Variants in PLA2G4F observed in about 807,000 individuals in gnomAD.
The protein encoded by PLA2G4F is cytosolic phospholipase A2 zeta.
PLA2G4F carries 105 observed loss-of-function variants against 103.1 expected under a neutral mutation model. The observed-to-expected ratio is 1.02, with a 90% confidence interval of 0.87 to 1.20. The LOEUF (loss-of-function observed/expected upper bound fraction) is 1.20, where lower values mean the gene tolerates loss of function less well. PLA2G4F is among the 50% of genes most tolerant of loss of function. The pLI, the probability that PLA2G4F is intolerant of heterozygous loss-of-function variation, is 0.00. For synonymous variants in PLA2G4F, 468 were observed against 441.1 expected, an observed-to-expected ratio of 1.06 and a Z score of -0.76; for missense variants, 1,155 against 1,075.9, an observed-to-expected ratio of 1.07 and a Z score of -1.03.
At chr15:42,143,169 C>T (rs2048842612) in intron 18 of PLA2G4F, among the ~76,000 whole-genome samples, 1 of 109,014 alleles carries the variant, frequency 9.2e-6, no homozygotes, top group African/African-American at 3.8e-5. Flanking sequence ...CAGAGTGAGA[C>T]TCCATCTAAA....
Position 42,142,593 on chromosome 15 carries a change from G to A in PLA2G4F, c.2264C>T (p.Pro755Leu), listed in dbSNP as rs763624804. The stretch of plus-strand genomic sequence containing the variant: ...GAAGTGCAGCACAATGGGGGAGCGG[G>A]GGTCCTCAGCCTTGGCAAACAGATA... ...ECYLFAKAEDPRSPIVLHFPL... is the reference protein window; with the variant it reads ...ECYLFAKAEDLRSPIVLHFPL... The change falls in exon 19 of 20, where the codon CCC becomes CTC. Residue 755 changes from proline to leucine, a missense_variant. Pro to Leu is a moderately conservative substitution (Grantham distance 98, BLOSUM62 -3). Around this residue, in one of 3 missense-constraint regions of PLA2G4F, gnomAD observed 782 missense variants for 692.9 expected, o/e 1.13. Coordinates refer to ENST00000397272, the MANE Select transcript of PLA2G4F (RefSeq NM_213600.4). 152 of 1,614,024 alleles carry A rather than the reference G, an allele frequency of 9.4e-5. No homozygotes were observed. The highest frequency in any genetic ancestry group is 1.2e-4 in the Non-Finnish European group (146 of 1,180,026).
At position 42,153,293 on chromosome 15, in the gene PLA2G4F, C is replaced by G. The variant is rs1367680850; in HGVS notation, c.534+7G>C. ...AGAACAGCGCCAAGCTTGCCTTCCC[C>G]ACTCACCACCAGAACCCCGTTGGTG... On this transcript the variant is annotated splice_region_variant and intron_variant, in intron 6 of 19. Transcript: ENST00000397272. 1 of 1,614,094 alleles carries G rather than the reference C, an allele frequency of 6.2e-7. No homozygotes were observed.
Position 42,142,532 on chromosome 15 carries a change from G to A in PLA2G4F, c.2325C>T (p.Ala775=), listed in dbSNP as rs2048835737. The A allele has an allele frequency of 1.9e-6, 3 of 1,612,758 alleles. No individual in the cohort carries two copies. The highest frequency in any genetic ancestry group is 2.5e-6 in the Non-Finnish European group (3 of 1,179,216). Residue 775 remains alanine (A), a synonymous_variant, in exon 19 of 20, where the codon GCC becomes GCT. Coordinates refer to ENST00000397272, the MANE Select transcript of PLA2G4F (RefSeq NM_213600.4). The stretch of plus-strand genomic sequence containing the variant: ...CAGGCCTGGAGCTTCCCTTACCTGG[G>A]GCCAGGTGTGTGCGGAAGGTACGGT... ...LVNRTFRTHL[A]PGVERQTAEE...
chr15:42,152,524 G>A (rs902617312), intron 7 of PLA2G4F, among the ~76,000 whole-genome samples, 164 bp downstream of exon 7: 2 of 152,170 alleles, frequency 1.3e-5, no homozygotes, highest in South Asian at 4.1e-4. Context: ...ACACTTCCAG[G>A]GACAGGTTGT....
At chr15:42,148,102 A>G (rs1219920753) in intron 11 of PLA2G4F, among the ~76,000 whole-genome samples, 1 of 151,358 alleles carries the variant, frequency 6.6e-6, no homozygotes, top group Non-Finnish European at 1.5e-5. Context: ...GAATGGCGTG[A>G]ACCCAGGAGG....
rs1421679663 is a variant in PLA2G4F at position 42,142,560 on chromosome 15, A to G, written c.2297T>C (p.Val766Ala). ...CAGGTGTGTGCGGAAGGTACGGTTA[A>G]CCAGGGGGAAGTGCAGCACAATGGG... ...RSPIVLHFPL[V>A]NRTFRTHLAP... Residue 766 changes from valine to alanine, a missense_variant, in exon 19 of 20, where the codon GTT (valine) becomes GCT (alanine). Physicochemically the swap from Val to Ala is moderately conservative, Grantham distance 64. Coordinates refer to ENST00000397272, the MANE Select transcript of PLA2G4F (RefSeq NM_213600.4). The G allele has an allele frequency of 1.4e-5, 22 of 1,613,796 alleles. No homozygotes were observed. Among genetic ancestry groups the G allele is most frequent in the African/African-American group, 2.7e-5 (2 of 74,880 alleles).
At chr15:42,153,855 C>T (rs1043930167) in intron 4 of PLA2G4F, among the ~76,000 whole-genome samples, 195 bp from the exon 5 acceptor site, 2 of 152,226 alleles carry the variant, frequency 1.3e-5, no homozygotes, top group Admixed American at 6.5e-5. Context: ...AGGTGCTGTT[C>T]TAGACATTGA....
At position 42,144,583 on chromosome 15, in the gene PLA2G4F, T is replaced by A. The variant is rs1187126183; in HGVS notation, c.1842A>T (p.Pro614=). ...GCACAGCCTGGGAGAAGGGCCCCTGTGGGGTGAGGAGCCTCGTTCGCAGCC... is the reference window on the plus strand; with the variant it reads ...GCACAGCCTGGGAGAAGGGCCCCTGAGGGGTGAGGAGCCTCGTTCGCAGCC... ...PSRLRTRLLT[P]QGPFSQAVLD... The change falls in exon 17 of 20, where the codon CCA becomes CCT. Residue 614 remains proline, a synonymous_variant. Coordinates refer to ENST00000397272, the MANE Select transcript of PLA2G4F (RefSeq NM_213600.4). 1 of 1,612,962 alleles carries A rather than the reference T, an allele frequency of 6.2e-7. No individual in the cohort carries two copies. The highest frequency in any genetic ancestry group is 1.3e-5 in the African/African-American group (1 of 74,890).
intron 6 of PLA2G4F, among the ~76,000 whole-genome samples, chr15:42,153,051 G>A (rs1327581064): frequency 3.9e-5 from 6 of 152,232 alleles, no homozygotes; most frequent in Admixed American, 3.3e-4. Context: ...TGGCTGCTCC[G>A]GTGGTCTCAG....
In PLA2G4F at chr15:42,142,627, G is replaced by A. The variant is rs768969803; in HGVS notation, c.2230C>T (p.Arg744Cys). 63 of 1,613,858 alleles carry A rather than the reference G, an allele frequency of 3.9e-5. 1 individual carries two copies. Among genetic ancestry groups the A allele is most frequent in the South Asian group, 1.5e-4 (14 of 91,064 alleles). Reference protein sequence around the residue: ...EVGPEDMEEARECYLFAKAED... With the variant: ...EVGPEDMEEACECYLFAKAED... ...GCCTTGGCAAACAGATAGCACTCAC[G>A]GGCCTCCTCCATGTCCTCAGGGCCC... Residue 744 changes from arginine to cysteine, a missense_variant, in exon 19 of 20, where the codon CGT (arginine) becomes TGT (cysteine). Transcript: ENST00000397272.
At position 42,141,771 on chromosome 15, in the gene PLA2G4F, T is replaced by C. The variant is rs2048828445; in HGVS notation, c.*213A>G. ...CCCAAGAGTCCCTGGAGCGATCTAC[T>C]GCCCATCTTCTCCAAAAACACACAA... is the stretch of plus-strand genomic sequence containing the variant. On this transcript the variant is annotated 3_prime_UTR_variant, in exon 20 of 20. Coordinates refer to ENST00000397272, the MANE Select transcript of PLA2G4F (RefSeq NM_213600.4). The C allele has an allele frequency of 8.0e-6, 5 of 622,004 alleles. No individual in the cohort carries two copies. The African/African-American group carries it at 9.2e-5, about 11-fold the overall frequency. 38.5% of individuals were successfully genotyped at this position (622,004 alleles called of 1,614,324 possible).
Position 42,150,089 on chromosome 15 carries a change from T to C in PLA2G4F, c.923+15A>G. On this transcript the variant is annotated intron_variant, in intron 10 of 19. Transcript: ENST00000397272. ...GCCCAGCCCCAAGAGGCCTTCTGCC[T>C]GGAGTCCCACTCACCTCATTTCCAC... 6.2e-7 allele frequency: 1 copy of C among 1,614,176 alleles called. No homozygotes were observed. Among genetic ancestry groups the C allele is most frequent in the South Asian group, 1.1e-5 (1 of 91,074 alleles).
intron 11 of PLA2G4F, among the ~76,000 whole-genome samples, chr15:42,148,117 G>C (rs1309460322): frequency 6.7e-6 from 1 of 148,464 alleles, no homozygotes; most frequent in Admixed American, 6.9e-5. Context: ...AGGAGGCGGA[G>C]CTTGCAGTGA....
At position 42,142,532 on chromosome 15, in the gene PLA2G4F, G is replaced by C. The variant is rs2048835737; in HGVS notation, c.2325C>G (p.Ala775=). The change falls in exon 19 of 20, where the codon GCC becomes GCG. Residue 775 remains alanine (A), a synonymous_variant. Coordinates refer to ENST00000397272, the MANE Select transcript of PLA2G4F (RefSeq NM_213600.4). ...CAGGCCTGGAGCTTCCCTTACCTGG[G>C]GCCAGGTGTGTGCGGAAGGTACGGT... The part of the protein sequence containing the change: ...LVNRTFRTHL[A]PGVERQTAEE... The C allele has an allele frequency of 8.1e-6, 13 of 1,612,640 alleles. No individual in the cohort carries two copies. The highest frequency in any genetic ancestry group is 1.1e-5 in the Non-Finnish European group (13 of 1,179,224).
intron 2 of PLA2G4F, 84 bp from the exon 3 acceptor site, chr15:42,154,542 A>G (rs754410739): frequency 2.3e-5 from 33 of 1,432,788 alleles, no homozygotes; most frequent in African/African-American, 2.9e-5. Flanking sequence ...CAGAAGGGGA[A>G]GGAGCAGAGT....
rs148344164 is a variant in PLA2G4F at position 42,144,622 on chromosome 15, C to A, written c.1803G>T (p.Leu601=). 1 of 1,602,386 alleles carries A rather than the reference C, an allele frequency of 6.2e-7. No homozygotes were observed. The highest frequency in any genetic ancestry group is 8.5e-7 in the Non-Finnish European group (1 of 1,173,744). ...TCGTTCGCAGCCTCGAGGGGTTGTGCAGCTGAGGCTTCTGGCAGTCGTCTA... is the reference window on the plus strand; with the variant it reads ...TCGTTCGCAGCCTCGAGGGGTTGTGAAGCTGAGGCTTCTGGCAGTCGTCTA... ...NITDDCQKPQ[L]HNPSRLRTRL... is the part of the protein sequence containing the mutation. Residue 601 remains leucine (L), a synonymous_variant, in exon 17 of 20, where the codon CTG becomes CTT. Coordinates refer to ENST00000397272, the MANE Select transcript of PLA2G4F (RefSeq NM_213600.4).
chr15:42,155,690 G>T (rs2049008645), intron 1 of PLA2G4F, 101 bp from the exon 2 acceptor site: 12 of 1,157,882 alleles, frequency 1.0e-5, no homozygotes, highest in Non-Finnish European at 1.5e-5. Flanking sequence ...CCTGGCATAG[G>T]GTCACTGACG....
In PLA2G4F at chr15:42,145,578, T is replaced by C. The variant is rs771510560; in HGVS notation, c.1777A>G (p.Thr593Ala). 7.4e-6 allele frequency: 12 copies of C among 1,613,062 alleles called. No individual in the cohort carries two copies. Among genetic ancestry groups the C allele is most frequent in the Non-Finnish European group, 9.3e-6 (11 of 1,179,168 alleles). The change falls in exon 16 of 20, where the codon ACA becomes GCA. Residue 593 changes from threonine to alanine, a missense_variant. Coordinates refer to ENST00000397272, the MANE Select transcript of PLA2G4F (RefSeq NM_213600.4). ...LEWYRGSVNI[T>A]DDCQKPQLHN... ...GGCTCGGGGTCGCTACCCTCACCTGTGATATTCACACTGCCTCTGTACCAC... is the reference window on the plus strand; with the variant it reads ...GGCTCGGGGTCGCTACCCTCACCTGCGATATTCACACTGCCTCTGTACCAC...
chr15:42,151,308 G>A, intron 7 of PLA2G4F: 1 of 985,280 alleles, frequency 1.0e-6, no homozygotes, highest in Non-Finnish European at 1.2e-6. Flanking sequence ...ACAGAGAGAT[G>A]CACGTCCTGG....
Sources: allele counts gnomAD v4.1 joint callset (sites outside exome capture counted in the v4.1 genomes callset), GRCh38; gene constraint gnomAD v4.1.1; regional missense constraint gnomAD v4.1.1; transcripts MANE v1.5; gene names NCBI Gene and HGNC (gene_info 2026-07-23, HGNC 2026-07-21).